CLTCL1: variants seen among roughly 807,000 people sequenced by gnomAD.
CLTCL1 encodes the protein clathrin heavy chain like 1, also known as clathrin heavy chain 2.
CLTCL1 carries 159 observed loss-of-function variants against 190.0 expected under a neutral mutation model. The ratio of observed to expected loss-of-function variants is 0.84; its 90% confidence interval spans 0.74 to 0.95. CLTCL1 has a LOEUF of 0.95. Among genes scored for constraint, CLTCL1 ranks in the 40% least tolerant of loss-of-function variants. The pLI is 0.00. For missense variants in CLTCL1, 1,878 were observed against 2,033.4 expected (o/e 0.92, Z 1.47); for synonymous variants, 752 against 769.6 (o/e 0.98, Z 0.38).
At chr22:19,281,347 G>A (rs933749891) in intron 1 of CLTCL1, among the ~76,000 whole-genome samples, 27 of 151,434 alleles carry the variant, frequency 1.8e-4, no homozygotes, top group African/African-American at 5.3e-4. Context: ...GGTGATGGCT[G>A]CATAACAATT....
intron 26 of CLTCL1, among the ~76,000 whole-genome samples, chr22:19,192,265 C>G (rs2084535895): frequency 6.6e-6 from 1 of 152,054 alleles, no homozygotes; most frequent in Non-Finnish European, 1.5e-5. Flanking sequence ...CGGGGTTTCA[C>G]CGTGTTAGCC....
At chr22:19,248,909 T>A (rs2086502899) in intron 3 of CLTCL1, among the ~76,000 whole-genome samples, 1 of 152,134 alleles carries the variant, frequency 6.6e-6, no homozygotes, top group Admixed American at 6.6e-5. Context: ...CGATTTTGAG[T>A]TTTTTAGTAT....
chr22:19,241,448 C>A (rs555563617), intron 4 of CLTCL1, among the ~76,000 whole-genome samples: 1 of 152,338 alleles, frequency 6.6e-6, no homozygotes, highest in South Asian at 2.1e-4. Flanking sequence ...TGACCCGAGT[C>A]CTTTTCCTTC....
chr22:19,251,678 A>G (rs567418106), intron 3 of CLTCL1, among the ~76,000 whole-genome samples: 42 of 151,936 alleles, frequency 2.8e-4, no homozygotes, highest in African/African-American at 8.0e-4. Flanking sequence ...GGATGGTCTC[A>G]ATCTCCTGAC....
intron 2 of CLTCL1, among the ~76,000 whole-genome samples, chr22:19,256,362 T>A (rs28784953): frequency 0.011 from 1,402 of 133,150 alleles, 31 homozygotes; most frequent in East Asian, 0.072. Flanking sequence ...ATCTTTTTTT[T>A]TTTTTTTTTT....
intron 2 of CLTCL1, among the ~76,000 whole-genome samples, chr22:19,257,015 G>T (rs2086782889): frequency 6.6e-6 from 1 of 152,154 alleles, no homozygotes; most frequent in African/African-American, 2.4e-5. Context: ...AGAAACAGCT[G>T]CATGCACTGA....
Position 19,277,444 on chromosome 22 carries a change from T to TTAAC in CLTCL1, c.43-1618_43-1615dup, listed in dbSNP as rs199910087. On this transcript the variant is annotated intron_variant, in intron 1 of 32. Transcript: ENST00000427926. ...AGTTGTTTGAAATTCATATTCCATT[T>TTAAC]TAACACAGAAAAGATAAACTAAGTG... Among the ~76,000 whole-genome samples, 53 of 152,346 alleles carry TTAAC rather than the reference T, an allele frequency of 3.5e-4. No individual in the cohort carries two copies. In the East Asian group the frequency reaches 9.8e-3, roughly 28 times the overall value.
At chr22:19,225,195 C>G (rs1343609436) in intron 13 of CLTCL1, among the ~76,000 whole-genome samples, 2 of 152,200 alleles carry the variant, frequency 1.3e-5, no homozygotes, top group Admixed American at 1.3e-4. Flanking sequence ...CGTAGACACA[C>G]CGGGCTCCAT....
rs782230002 is a variant in CLTCL1 at position 19,180,743 on chromosome 22, G to A, written c.4891C>T (p.Pro1631Ser). ...AGGTGCCACCTACCAAACACGAGAG[G>A]GGCAGGCTCTGTCACATGCTCCTCT... Reference protein sequence around the residue: ...KQEEHVTEPAPLVFDFDGHE With the variant: ...KQEEHVTEPASLVFDFDGHE Residue 1631 changes from proline to serine, a missense_variant, in exon 31 of 33, where the codon CCT becomes TCT. Coordinates refer to ENST00000427926, the MANE Select transcript of CLTCL1 (RefSeq NM_007098.4). 17 of 1,613,660 alleles carry A rather than the reference G, an allele frequency of 1.1e-5. No homozygotes were observed. Among genetic ancestry groups the A allele is most frequent in the Non-Finnish European group, 1.4e-5 (16 of 1,179,816 alleles).
At chr22:19,188,677 T>A (rs994055359) in intron 27 of CLTCL1, among the ~76,000 whole-genome samples, 4 of 151,558 alleles carry the variant, frequency 2.6e-5, no homozygotes, top group African/African-American at 7.3e-5. Context: ...AGTGCCGTGA[T>A]CTCGGCTCAC....
intron 23 of CLTCL1, 130 bp downstream of exon 23, chr22:19,201,199 G>GAT: frequency 1.8e-6 from 2 of 1,113,374 alleles, no homozygotes; most frequent in South Asian, 3.4e-5. Flanking sequence ...GAGACTCTAA[G>GAT]AATCCCAAGG....
chr22:19,248,387 C>T (rs1555968766), intron 3 of CLTCL1, among the ~76,000 whole-genome samples: 3 of 152,154 alleles, frequency 2.0e-5, no homozygotes, highest in Admixed American at 6.5e-5. Flanking sequence ...CAAGACAATT[C>T]TTCTTCCAGT....
At chr22:19,194,733 GC>G (rs1464825821) in intron 26 of CLTCL1, among the ~76,000 whole-genome samples, 9 of 152,214 alleles carry the variant, frequency 5.9e-5, no homozygotes, top group African/African-American at 1.9e-4. Context: ...GAGCTGGGGT[GC>G]CCCCCGTGTG....
At chr22:19,268,450 A>G (rs2087193898) in intron 2 of CLTCL1, among the ~76,000 whole-genome samples, 1 of 152,242 alleles carries the variant, frequency 6.6e-6, no homozygotes, top group Admixed American at 6.5e-5. Flanking sequence ...TAAATCACAT[A>G]GCTGATAAAC....
At chr22:19,258,923 T>C in intron 2 of CLTCL1, 1 of 400,582 alleles carries the variant, frequency 2.5e-6, no homozygotes, top group Admixed American at 3.7e-5. Context: ...GGGGAAAAGC[T>C]TGATGACATT....
chr22:19,223,976 C>A lies in CLTCL1; in HGVS notation c.2207G>T (p.Cys736Phe). ...DVHLKYIQAA[C>F]KTGQIKEVER... is the part of the protein sequence containing the mutation. Reference sequence around the variant, plus strand: ...CACCTCCTTGATCTGCCCTGTCTTACAGGCAGCCTGAATGTATTTCAGATG... The same window carrying A: ...CACCTCCTTGATCTGCCCTGTCTTAAAGGCAGCCTGAATGTATTTCAGATG... The change falls in exon 14 of 33, where the codon TGT (cysteine) becomes TTT (phenylalanine). Residue 736 changes from cysteine to phenylalanine, a missense_variant. Coordinates refer to ENST00000427926, the MANE Select transcript of CLTCL1 (RefSeq NM_007098.4). The A allele has an allele frequency of 6.2e-7, 1 of 1,613,980 alleles. No individual in the cohort carries two copies. The highest frequency in any genetic ancestry group is 8.5e-7 in the Non-Finnish European group (1 of 1,179,872).
Position 19,226,384 on chromosome 22 carries a change from C to G in CLTCL1, c.1783-1G>C. 1 of 1,613,926 alleles carries G rather than the reference C, an allele frequency of 6.2e-7. No individual in the cohort carries two copies. The highest frequency in any genetic ancestry group is 1.1e-5 in the South Asian group (1 of 91,066). On this transcript the variant is annotated splice_acceptor_variant, in intron 11 of 32. Coordinates refer to ENST00000427926, the MANE Select transcript of CLTCL1 (RefSeq NM_007098.4). LOFTEE classifies it high-confidence loss of function. ...TATTTCCAAGGATGGCATCTGCAAC[C>G]TATGAAACAGGGAGTTCGGTGAGAA...
At chr22:19,252,219 A>G (rs1250981152) in intron 3 of CLTCL1, among the ~76,000 whole-genome samples, 1 of 152,034 alleles carries the variant, frequency 6.6e-6, no homozygotes, top group Non-Finnish European at 1.5e-5. Flanking sequence ...CAATGATAGC[A>G]TTTTTTCAAT....
chr22:19,226,280 T>A lies in CLTCL1; in HGVS notation c.1886A>T (p.His629Leu). 1 of 1,614,032 alleles carries A rather than the reference T, an allele frequency of 6.2e-7. No homozygotes were observed. Among genetic ancestry groups the A allele is most frequent in the Non-Finnish European group, 8.5e-7 (1 of 1,179,886 alleles). Reference protein sequence around the residue: ...KAGLLQQALEHYTDLYDIKRA... With the variant: ...KAGLLQQALELYTDLYDIKRA... The stretch of plus-strand genomic sequence containing the variant: ...CTTGATGTCATAGAGGTCGGTGTAG[T>A]GCTCCAGTGCTTGCTGCAGGAGGCC... The change falls in exon 12 of 33, where the codon CAC (histidine) becomes CTC (leucine). Residue 629 changes from histidine to leucine, a missense_variant. His to Leu is a moderately conservative substitution (Grantham distance 99). Transcript: ENST00000427926.
Sources: gnomAD v4.1 joint callset for allele counts (sites outside exome capture counted in the v4.1 genomes callset) on GRCh38, gnomAD v4.1.1 for gene constraint, MANE v1.5 for transcripts, NCBI Gene and HGNC (gene_info 2026-07-23, HGNC 2026-07-21) for gene names.